The following CAPN7 variants were observed in gnomAD, a reference collection of about 807,000 sequenced individuals.
The protein encoded by CAPN7 is calpain-7.
A neutral mutation model predicts 115.2 loss-of-function variants in CAPN7; 72 were observed. That is an observed-to-expected ratio of 0.63 (90% CI 0.52 to 0.76). The LOEUF is 0.76. CAPN7 is among the 30% of genes least tolerant of loss of function. The pLI, the probability that CAPN7 is intolerant of heterozygous loss-of-function variation, is 0.00. For missense variants in CAPN7, 905 were observed against 971.5 expected, an observed-to-expected ratio of 0.93 and a Z score of 0.91; for synonymous variants, 344 against 322.3, an observed-to-expected ratio of 1.07 and a Z score of -0.72.
At chr3:15,247,926 C>T (rs1419918730) in intron 19 of CAPN7, among the ~76,000 whole-genome samples, 2 of 151,580 alleles carry the variant, frequency 1.3e-5, no homozygotes, top group African/African-American at 4.9e-5. Context: ...ATCGCAAGAA[C>T]AAAAAACCAA....
Position 15,235,295 on chromosome 3 carries a change from G to A in CAPN7, c.1407+150G>A, listed in dbSNP as rs138275672. The A allele has an allele frequency of 2.3e-3, 1,469 of 645,408 alleles. 15 individuals carry two copies. Among genetic ancestry groups the A allele is most frequent in the South Asian group, 0.014 (512 of 36,270 alleles). The allele number at this position is 645,408 out of a possible 1,614,324, so 40.0% of individuals were successfully genotyped here. A position where few individuals can be genotyped will look rare whatever the true frequency, so the allele number is the denominator to read the frequency against. The stretch of plus-strand genomic sequence containing the variant: ...CACCTACATTAACTTGATCTCTACC[G>A]TTGAAAATTATGAAATTAAAAGGTG... On this transcript the variant is annotated intron_variant, in intron 12 of 20. Transcript: ENST00000253693.
intron 12 of CAPN7, among the ~76,000 whole-genome samples, chr3:15,236,541 A>G (rs780128822): frequency 1.3e-5 from 2 of 152,242 alleles, no homozygotes; most frequent in African/African-American, 2.4e-5. Context: ...ACATGGATTT[A>G]CAGTCACGTG....
At chr3:15,240,901 T>C (rs1353633498) in intron 14 of CAPN7, 48 bp downstream of exon 14, 2 of 1,193,948 alleles carry the variant, frequency 1.7e-6, no homozygotes, top group Non-Finnish European at 2.5e-6. Context: ...GCATCCACTT[T>C]CCTCACTTAA....
At chr3:15,239,693 T>C (rs1695226695) in intron 12 of CAPN7, among the ~76,000 whole-genome samples, 1 of 152,256 alleles carries the variant, frequency 6.6e-6, no homozygotes, top group African/African-American at 2.4e-5. Context: ...TAATTCCATT[T>C]GATCTTCACA....
At position 15,246,768 on chromosome 3, in the gene CAPN7, C is replaced by G; in HGVS notation, c.2047C>G (p.Pro683Ala). The change falls in exon 18 of 21, where the codon CCT becomes GCT. Residue 683 changes from proline (P) to alanine (A), a missense_variant. Transcript: ENST00000253693. ...SACSFTFSKIPSPYTLSKRIN... is the reference protein window; with the variant it reads ...SACSFTFSKIASPYTLSKRIN... ...ATGCAGCTTTACTTTTTCAAAGATTCCTTCACCATACACCTTATCAAAACG... is the reference window on the plus strand; with the variant it reads ...ATGCAGCTTTACTTTTTCAAAGATTGCTTCACCATACACCTTATCAAAACG... The G allele has an allele frequency of 1.2e-6, 2 of 1,608,538 alleles. No homozygotes were observed. Among genetic ancestry groups the G allele is most frequent in the Non-Finnish European group, 8.5e-7 (1 of 1,176,284 alleles).
At chr3:15,221,588 A>G (rs1693992050) in intron 5 of CAPN7, among the ~76,000 whole-genome samples, 1 of 152,090 alleles carries the variant, frequency 6.6e-6, no homozygotes, top group Non-Finnish European at 1.5e-5. Flanking sequence ...ACTAAAGGTT[A>G]AGGAGCAAAA....
intron 9 of CAPN7, among the ~76,000 whole-genome samples, chr3:15,230,968 A>G (rs561264698): frequency 5.3e-5 from 8 of 152,258 alleles, no homozygotes; most frequent in South Asian, 4.1e-4. Context: ...AATTCACACA[A>G]ATTTCTTTAA....
chr3:15,234,096 A>T lies in CAPN7; in HGVS notation c.1286+123A>T, dbSNP rs963786220. 4 of 547,602 alleles carry T rather than the reference A, an allele frequency of 7.3e-6. No individual in the cohort carries two copies. In the African/African-American group the frequency reaches 7.9e-5, roughly 11 times the overall value. 33.9% of individuals were successfully genotyped at this position (547,602 alleles called of 1,614,324 possible). A position where few individuals can be genotyped will look rare whatever the true frequency, so the allele number is the denominator to read the frequency against. The stretch of plus-strand genomic sequence containing the variant: ...TATGGGAGGCCAAGGCAGGCAGATG[A>T]CCTGAGTTTGGGAGTTGGAGGACCA... On this transcript the variant is annotated intron_variant, in intron 11 of 20. Transcript: ENST00000253693.
At chr3:15,216,749 C>T (rs1693625861) in intron 2 of CAPN7, among the ~76,000 whole-genome samples, 1 of 151,936 alleles carries the variant, frequency 6.6e-6, no homozygotes, top group African/African-American at 2.4e-5. Flanking sequence ...TTTGTTTTGT[C>T]TTTTGAGGTA....
chr3:15,206,659 G>A, intron 1 of CAPN7, 62 bp downstream of exon 1: 3 of 1,247,642 alleles, frequency 2.4e-6, no homozygotes, highest in South Asian at 2.8e-5. Flanking sequence ...CGGGCCTGCG[G>A]CCGAGGGGCG....
intron 16 of CAPN7, among the ~76,000 whole-genome samples, chr3:15,242,886 G>C (rs1695434085): frequency 6.6e-6 from 1 of 152,166 alleles, no homozygotes; most frequent in Non-Finnish European, 1.5e-5. Flanking sequence ...GTATCACTTA[G>C]TGAGAGAAAC....
In CAPN7 at chr3:15,240,626, A is replaced by G. The variant is rs146363025; in HGVS notation, c.1552+9A>G. 55 of 1,582,226 alleles carry G rather than the reference A, an allele frequency of 3.5e-5. 1 individual carries two copies. In the African/African-American group the frequency reaches 4.5e-4, roughly 13 times the overall value. Reference sequence around the variant, plus strand: ...TCAGAAAATAGACAACGGTAAATATATCTTTTTAATTTTAATACCATTTAT... The same window carrying G: ...TCAGAAAATAGACAACGGTAAATATGTCTTTTTAATTTTAATACCATTTAT... On this transcript the variant is annotated intron_variant, in intron 13 of 20. Transcript: ENST00000253693.
chr3:15,245,437 TC>T lies in CAPN7; in HGVS notation c.1865-87del. The stretch of plus-strand genomic sequence containing the variant: ...AAGGAGAGAATCAGTTAAGGAGATG[TC>T]CATCCAAGTAATTATTTTTCCTACA... On this transcript the variant is annotated intron_variant, in intron 16 of 20. Transcript: ENST00000253693. The T allele has an allele frequency of 1.7e-6, 2 of 1,168,678 alleles. 1 individual carries two copies. The highest frequency in any genetic ancestry group is 2.4e-6 in the Non-Finnish European group (2 of 817,798). 72.4% of individuals were successfully genotyped at this position (1,168,678 alleles called of 1,614,324 possible).
intron 1 of CAPN7, among the ~76,000 whole-genome samples, chr3:15,209,262 G>T (rs570611241): frequency 6.6e-6 from 1 of 152,040 alleles, no homozygotes; most frequent in Non-Finnish European, 1.5e-5. Flanking sequence ...CACCTGCCTC[G>T]GCTTCCCAAA....
chr3:15,240,087 C>T (rs920814283), intron 12 of CAPN7, among the ~76,000 whole-genome samples: 2 of 152,218 alleles, frequency 1.3e-5, no homozygotes, highest in Non-Finnish European at 2.9e-5. Context: ...TGCTCTAAGG[C>T]AGTACTGTCT....
At position 15,206,261 on chromosome 3, in the gene CAPN7, C is replaced by G. The variant is rs1169245808; in HGVS notation, c.-235C>G. 2.5e-6 allele frequency: 1 copy of G among 400,226 alleles called. No homozygotes were observed. The highest frequency in any genetic ancestry group is 4.5e-6 in the Non-Finnish European group (1 of 222,930). 24.8% of individuals were successfully genotyped at this position (400,226 alleles called of 1,614,324 possible). Reference sequence around the variant, plus strand: ...TGGGCGGGGCGAGGGCCGCTGGGGCCGCGAAGTGGGGCGGCCGGGTGGGCT... The same window carrying G: ...TGGGCGGGGCGAGGGCCGCTGGGGCGGCGAAGTGGGGCGGCCGGGTGGGCT... On this transcript the variant is annotated 5_prime_UTR_variant, in exon 1 of 21. Transcript: ENST00000253693.
At chr3:15,215,969 C>G (rs555217415) in intron 2 of CAPN7, among the ~76,000 whole-genome samples, 1 of 152,204 alleles carries the variant, frequency 6.6e-6, no homozygotes, top group African/African-American at 2.4e-5. Flanking sequence ...ACATGTAGTC[C>G]CAGCTACTTG....
intron 6 of CAPN7, among the ~76,000 whole-genome samples, chr3:15,225,741 G>A (rs1399288999): frequency 6.6e-6 from 1 of 152,266 alleles, no homozygotes; most frequent in South Asian, 2.1e-4. Flanking sequence ...TTGCACCCCA[G>A]TGCCTACCAC....
intron 2 of CAPN7, 127 bp from the exon 3 acceptor site, chr3:15,217,298 A>G: frequency 1.2e-6 from 1 of 818,088 alleles, no homozygotes; most frequent in East Asian, 3.1e-5. Context: ...GATTTTTTTA[A>G]CCTTGCTAAG....
Sources: allele counts gnomAD v4.1 joint callset (sites outside exome capture counted in the v4.1 genomes callset), GRCh38; gene constraint gnomAD v4.1.1; transcripts MANE v1.5; gene names NCBI Gene and HGNC (gene_info 2026-07-23, HGNC 2026-07-21).